Variants in RAD51AP2 observed in about 807,000 individuals in gnomAD.
RAD51AP2 encodes RAD51 associated protein 2, also known as RAD51-associated protein 2.
Under a neutral mutation model 85.5 loss-of-function variants are expected in RAD51AP2, and 67 were observed. The observed-to-expected ratio is 0.78, with a 90% confidence interval of 0.64 to 0.96. The LOEUF (loss-of-function observed/expected upper bound fraction) is 0.96. Ranked by LOEUF, RAD51AP2 falls within the 40% of genes least tolerant of loss-of-function variation. RAD51AP2 has a pLI of 0.00. For missense variants in RAD51AP2, 1,307 were observed against 1,332.4 expected, an observed-to-expected ratio of 0.98 and a Z score of 0.30; for synonymous variants, 474 against 446.5, an observed-to-expected ratio of 1.06 and a Z score of -0.78.
upstream of RAD51AP2, chr2:17,518,524 C>G (rs1189849769): frequency 7.1e-7 from 1 of 1,407,558 alleles, no homozygotes; most frequent in Non-Finnish European, 9.6e-7. Flanking sequence ...AAGACCTGGC[C>G]TTAGCCTAAT....
At chr2:17,512,992 G>T (rs763110162) in intron 2 of RAD51AP2, among the ~76,000 whole-genome samples, 1 of 152,132 alleles carries the variant, frequency 6.6e-6, no homozygotes, top group Non-Finnish European at 1.5e-5. Context: ...CATGACTTAA[G>T]ATGTTTTAGT....
intron 2 of RAD51AP2, among the ~76,000 whole-genome samples, chr2:17,513,438 C>T (rs541077824): frequency 7.2e-5 from 11 of 152,040 alleles, no homozygotes; most frequent in African/African-American, 2.7e-4. Flanking sequence ...GGGTTTTCAC[C>T]GTGTTAGCCA....
chr2:17,530,642 T>G, the RAD51AP2 span, among the ~76,000 whole-genome samples: 3 of 149,022 alleles, frequency 2.0e-5, no homozygotes, highest in African/African-American at 7.3e-5. Flanking sequence ...CTGTATTCTT[T>G]CCTCTAGACC....
chr2:17,517,056 C>T lies in RAD51AP2; in HGVS notation c.1360G>A (p.Ala454Thr), dbSNP rs746320256. The T allele has an allele frequency of 1.2e-6, 2 of 1,611,914 alleles. No individual in the cohort carries two copies. The highest frequency in any genetic ancestry group is 1.7e-6 in the Non-Finnish European group (2 of 1,179,300). Reference sequence around the variant, plus strand: ...AGAAGCTTTGATTGTTCTTCATATGCATTGATGACTTTTGCACAGTGGTAA... The same window carrying T: ...AGAAGCTTTGATTGTTCTTCATATGTATTGATGACTTTTGCACAGTGGTAA... Reference protein sequence around the residue: ...EDYHCAKVINAYEEQSKLLVR... With the variant: ...EDYHCAKVINTYEEQSKLLVR... The change falls in exon 1 of 3, where the codon GCA (alanine) becomes ACA (threonine). Residue 454 changes from alanine to threonine, a missense_variant. By Grantham distance (58) the Ala-to-Thr change is moderately conservative. Around this residue, in one of 3 missense-constraint regions of RAD51AP2, gnomAD observed 635 missense variants for 643.6 expected, o/e 0.99. Transcript: ENST00000399080.
At chr2:17,520,535 CATCT>C (rs1370962740), upstream of RAD51AP2, among the ~76,000 whole-genome samples, 1 of 152,074 alleles carries the variant, frequency 6.6e-6, no homozygotes, top group Non-Finnish European at 1.5e-5. Flanking sequence ...TTAAAGACAG[CATCT>C]ATCTGATTTC....
In RAD51AP2 at chr2:17,517,289, T is replaced by C; in HGVS notation, c.1127A>G (p.Glu376Gly). The C allele has an allele frequency of 6.2e-7, 1 of 1,614,066 alleles. No homozygotes were observed. Among genetic ancestry groups the C allele is most frequent in the South Asian group, 1.1e-5 (1 of 91,072 alleles). ...GTAACTGTCCAGACATTCTGCTTCC[T>C]CCCAATTTGCATTTTCTAGTATAGC... ...NFAILENANW[E>G]EAECLDSYVL... is the part of the protein sequence containing the mutation. The change falls in exon 1 of 3, where the codon GAG becomes GGG. Residue 376 changes from glutamate (E) to glycine (G), a missense_variant. Glu to Gly is a moderately conservative substitution (Grantham distance 98, BLOSUM62 -2). Around this residue, in one of 3 missense-constraint regions of RAD51AP2, gnomAD observed 635 missense variants for 643.6 expected, o/e 0.99. Coordinates refer to ENST00000399080, the MANE Select transcript of RAD51AP2 (RefSeq NM_001099218.3).
At chr2:17,535,723 AG>A in the RAD51AP2 span, among the ~76,000 whole-genome samples, 1 of 152,126 alleles carries the variant, frequency 6.6e-6, no homozygotes, top group African/African-American at 2.4e-5. Context: ...AAGGAGGCAG[AG>A]GGGCAGGGGA....
the RAD51AP2 span, among the ~76,000 whole-genome samples, chr2:17,528,464 A>G: frequency 6.6e-6 from 1 of 152,182 alleles, no homozygotes; most frequent in African/African-American, 2.4e-5. Context: ...AAAAAGAATG[A>G]GAGGGAAAAA....
At chr2:17,534,637 C>T in the RAD51AP2 span, among the ~76,000 whole-genome samples, 170 of 151,966 alleles carry the variant, frequency 1.1e-3, no homozygotes, top group African/African-American at 3.7e-3. Flanking sequence ...GGGGGTAATG[C>T]TCTCTGTTTG....
chr2:17,527,946 T>C, the RAD51AP2 span, among the ~76,000 whole-genome samples: 1 of 152,198 alleles, frequency 6.6e-6, no homozygotes, highest in Non-Finnish European at 1.5e-5. Context: ...AACTGCATTC[T>C]CCCAGCTTCT....
At chr2:17,524,267 G>A in the RAD51AP2 span, among the ~76,000 whole-genome samples, 2 of 151,922 alleles carry the variant, frequency 1.3e-5, no homozygotes, top group Admixed American at 1.3e-4. Context: ...CATTTATTGA[G>A]CATCTATTAT....
At chr2:17,531,380 A>C in the RAD51AP2 span, among the ~76,000 whole-genome samples, 1 of 152,298 alleles carries the variant, frequency 6.6e-6, no homozygotes, top group South Asian at 2.1e-4. Flanking sequence ...TTATTTTTCA[A>C]CCAATCCACA....
the RAD51AP2 span, among the ~76,000 whole-genome samples, chr2:17,527,617 C>A: frequency 6.6e-6 from 1 of 152,034 alleles, no homozygotes; most frequent in Non-Finnish European, 1.5e-5. Context: ...ATCATTAGAA[C>A]TTTGTTACAG....
chr2:17,531,594 A>G, the RAD51AP2 span, among the ~76,000 whole-genome samples: 1 of 152,248 alleles, frequency 6.6e-6, no homozygotes, highest in South Asian at 2.1e-4. Flanking sequence ...AGTGCTATTA[A>G]TACTGAATTT....
upstream of RAD51AP2, chr2:17,518,529 C>G (rs935582317): frequency 1.4e-5 from 20 of 1,381,716 alleles, no homozygotes; most frequent in African/African-American, 7.3e-5. Context: ...CTGGCCTTAG[C>G]CTAATCTCAG....
At position 17,515,397 on chromosome 2, in the gene RAD51AP2, CA is replaced by C. The variant is rs764225143; in HGVS notation, c.3018del (p.Glu1007ArgfsTer3). On this transcript the variant is annotated frameshift_variant, in exon 1 of 3. Coordinates refer to ENST00000399080, the MANE Select transcript of RAD51AP2 (RefSeq NM_001099218.3). LOFTEE classifies it high-confidence loss of function. ...TTTTCTATCTCCATTTTTACCTTCT[CA>C]GCATCATTTTCTCCAAAGTAATTTT... is the stretch of plus-strand genomic sequence containing the variant. ...GQENYFGEND[A>X]EKVKMEIEKD... is the part of the protein sequence containing the mutation. 2.0e-5 allele frequency: 32 copies of C among 1,611,736 alleles called. No homozygotes were observed. Among genetic ancestry groups the C allele is most frequent in the Non-Finnish European group, 2.6e-5 (31 of 1,179,446 alleles).
In RAD51AP2 at chr2:17,516,907, G is replaced by T; in HGVS notation, c.1509C>A (p.Asn503Lys). ...YNTTQKVFHV[N>K]NPFESFIIEI... is the part of the protein sequence containing the mutation. ...CTATAATGAAACTTTCAAAAGGGTT[G>T]TTCACATGAAAGACTTTTTGTGTAG... Residue 503 changes from asparagine to lysine, a missense_variant, in exon 1 of 3, where the codon AAC becomes AAA. Around this residue, in one of 3 missense-constraint regions of RAD51AP2, gnomAD observed 635 missense variants for 643.6 expected, o/e 0.99. Coordinates refer to ENST00000399080, the MANE Select transcript of RAD51AP2 (RefSeq NM_001099218.3). 6.3e-7 allele frequency: 1 copy of T among 1,590,286 alleles called. No individual in the cohort carries two copies. The highest frequency in any genetic ancestry group is 8.5e-7 in the Non-Finnish European group (1 of 1,169,602).
intron 2 of RAD51AP2, among the ~76,000 whole-genome samples, chr2:17,513,000 A>C (rs1241391464): frequency 6.6e-6 from 1 of 152,212 alleles, no homozygotes; most frequent in East Asian, 1.9e-4. Flanking sequence ...AAGATGTTTT[A>C]GTAAATATAT....
chr2:17,527,295 G>A, the RAD51AP2 span, among the ~76,000 whole-genome samples: 10 of 152,116 alleles, frequency 6.6e-5, no homozygotes, highest in Admixed American at 6.6e-4. Context: ...GGGAGGGAAT[G>A]GAGAGAAAAA....
Sources: allele counts gnomAD v4.1 joint callset (sites outside exome capture counted in the v4.1 genomes callset), GRCh38; gene constraint gnomAD v4.1.1; regional missense constraint gnomAD v4.1.1; transcripts MANE v1.5; gene names NCBI Gene and HGNC (gene_info 2026-07-23, HGNC 2026-07-21).